Variants in ADAMTSL1 observed in about 807,000 individuals in gnomAD.
ADAMTSL1 encodes ADAMTS-like protein 1.
A neutral mutation model predicts 201.8 loss-of-function variants in ADAMTSL1; 126 were observed. That is an observed-to-expected ratio of 0.62 (90% CI 0.54 to 0.72). The LOEUF (loss-of-function observed/expected upper bound fraction) is 0.72. ADAMTSL1 is among the 30% of genes least tolerant of loss of function. ADAMTSL1 has a pLI of 0.00. For synonymous variants in ADAMTSL1, 1,121 were observed against 903.4 expected, an observed-to-expected ratio of 1.24 and a Z score of -4.32; for missense variants, 2,679 against 2,277.8, an observed-to-expected ratio of 1.18 and a Z score of -3.59.
At chr9:18,537,218 A>G (rs1275019174) in intron 3 of ADAMTSL1, among the ~76,000 whole-genome samples, 1 of 152,238 alleles carries the variant, frequency 6.6e-6, no homozygotes, top group Non-Finnish European at 1.5e-5. Flanking sequence ...GCATGGAAAC[A>G]AATTATTTAA....
chr9:18,882,991 C>CA (rs34408343), intron 23 of ADAMTSL1, among the ~76,000 whole-genome samples: 16,770 of 113,554 alleles, frequency 0.15, 1,241 homozygotes, highest in Middle Eastern at 0.23. Flanking sequence ...GAGCCTGCCT[C>CA]AAAAAAAAAA....
rs897990025 is a variant in ADAMTSL1, at chr9:18,636,179, A to G, written c.676+162A>G. ...GTTTATCTTTTAGCTGCCTGATGAG[A>G]TGGCAGAAACCCCTGTAGTAATTAT... On this transcript the variant is annotated intron_variant, in intron 6 of 28. Transcript: ENST00000380548. Among the ~76,000 whole-genome samples, 7 of 152,188 alleles carry G rather than the reference A, an allele frequency of 4.6e-5. No individual in the cohort carries two copies. The East Asian group carries it at 5.8e-4, about 13-fold the overall frequency.
At chr9:18,178,318 C>A (rs528537907) in intron 2 of ADAMTSL1, among the ~76,000 whole-genome samples, 1 of 152,082 alleles carries the variant, frequency 6.6e-6, no homozygotes, top group Non-Finnish European at 1.5e-5. Flanking sequence ...GCTTTTCCGA[C>A]GGGCTTAAAA....
chr9:17,924,995 A>G (rs1826466934), intron 1 of ADAMTSL1, among the ~76,000 whole-genome samples: 1 of 124,872 alleles, frequency 8.0e-6, no homozygotes, highest in Non-Finnish European at 1.7e-5. Context: ...AATGAACTCA[A>G]ACAAATTTAC....
chr9:18,776,849 C>G lies in ADAMTSL1; in HGVS notation c.2620C>G (p.Arg874Gly). Residue 874 changes from arginine (R) to glycine (G), a missense_variant, in exon 19 of 29, where the codon CGC becomes GGC. Arg to Gly is a moderately radical substitution (Grantham distance 125). Transcript: ENST00000380548. ...AAARKVYIQTRRQRKLHFVVG... is the reference protein window; with the variant it reads ...AAARKVYIQTGRQRKLHFVVG... ...CGCCAGGAAGGTCTACATACAGACT[C>G]GCAGGCAGAGGAAGCTGCACTTCGT... 1 of 1,603,992 alleles carries G rather than the reference C, an allele frequency of 6.2e-7. No individual in the cohort carries two copies. Among genetic ancestry groups the G allele is most frequent in the East Asian group, 2.3e-5 (1 of 44,282 alleles).
rs77303761 is a variant in ADAMTSL1, at chr9:18,635,855, T to C, written c.602-88T>C. 277 of 1,081,892 alleles carry C rather than the reference T, an allele frequency of 2.6e-4. 1 individual carries two copies. The highest frequency in any genetic ancestry group is 3.5e-4 in the Non-Finnish European group (257 of 731,858). 67.0% of individuals were successfully genotyped at this position (1,081,892 alleles called of 1,614,324 possible). ...CTTAAAAAAACTGTAGTTTTTAAGG[T>C]ATGGAAGTCAGTGCCTTTATTTAGA... On this transcript the variant is annotated intron_variant, in intron 5 of 28. Transcript: ENST00000380548.
At chr9:17,990,903 A>T (rs1819126228) in intron 1 of ADAMTSL1, among the ~76,000 whole-genome samples, 1 of 152,156 alleles carries the variant, frequency 6.6e-6, no homozygotes, top group Admixed American at 6.6e-5. Context: ...GGAAACTTGT[A>T]GGTAGAAAGA....
intron 2 of ADAMTSL1, among the ~76,000 whole-genome samples, chr9:18,514,327 C>CTTTCTTT (rs1554693081): frequency 3.0e-5 from 3 of 100,102 alleles, no homozygotes; most frequent in African/African-American, 3.9e-5. Flanking sequence ...ATTTTTCTTT[C>CTTTCTTT]TTTTTTTTTT....
intron 2 of ADAMTSL1, among the ~76,000 whole-genome samples, chr9:18,321,935 G>A (rs1360971191): frequency 6.6e-6 from 1 of 152,102 alleles, no homozygotes; most frequent in Non-Finnish European, 1.5e-5. Flanking sequence ...AATTTTACAA[G>A]ATATGTTTTC....
intron 1 of ADAMTSL1, among the ~76,000 whole-genome samples, chr9:18,138,609 A>G (rs996586113): frequency 6.6e-6 from 1 of 152,166 alleles, no homozygotes; most frequent in Non-Finnish European, 1.5e-5. Context: ...CTTTGAAAAC[A>G]CGTTTTCGTA....
chr9:18,086,097 G>T (rs1252243928), intron 1 of ADAMTSL1, among the ~76,000 whole-genome samples: 1 of 152,144 alleles, frequency 6.6e-6, no homozygotes, highest in Non-Finnish European at 1.5e-5. Context: ...AAGGAAGAAT[G>T]TGAGAGATAA....
intron 16 of ADAMTSL1, among the ~76,000 whole-genome samples, chr9:18,758,305 C>G (rs1819884467): frequency 6.6e-6 from 1 of 152,228 alleles, no homozygotes; most frequent in African/African-American, 2.4e-5. Flanking sequence ...CAGCAGTTTA[C>G]AGAACACTCG....
At chr9:18,225,084 C>G (rs1356989386) in intron 2 of ADAMTSL1, among the ~76,000 whole-genome samples, 1 of 152,116 alleles carries the variant, frequency 6.6e-6, no homozygotes, top group Non-Finnish European at 1.5e-5. Context: ...GACAAGTAAA[C>G]TTTTAGAAGT....
chr9:17,990,198 G>C (rs1437886963), intron 1 of ADAMTSL1, among the ~76,000 whole-genome samples: 1 of 152,006 alleles, frequency 6.6e-6, no homozygotes, highest in Non-Finnish European at 1.5e-5. Context: ...ATGGCACAGA[G>C]ATGTTATCTT....
chr9:18,105,027 A>G (rs1357761375), intron 1 of ADAMTSL1, among the ~76,000 whole-genome samples: 3 of 149,288 alleles, frequency 2.0e-5, no homozygotes, highest in African/African-American at 7.4e-5. Context: ...ATGTATAAAT[A>G]AAAAAAAAAT....
chr9:18,578,524 G>C (rs970653919), intron 4 of ADAMTSL1, among the ~76,000 whole-genome samples: 7 of 152,316 alleles, frequency 4.6e-5, no homozygotes, highest in African/African-American at 1.7e-4. Context: ...ATACCATCTA[G>C]GTTGGAATCT....
At chr9:18,164,451 G>T (rs952647989) in intron 2 of ADAMTSL1, among the ~76,000 whole-genome samples, 5 of 151,768 alleles carry the variant, frequency 3.3e-5, no homozygotes, top group African/African-American at 1.2e-4. Context: ...TCTGGTGGTG[G>T]TTTTAGGGGA....
chr9:18,350,035 G>C (rs2226019), intron 2 of ADAMTSL1, among the ~76,000 whole-genome samples: 53,550 of 151,420 alleles, frequency 0.35, 10,043 homozygotes, highest in Admixed American at 0.53. Context: ...ACCCGGGCCT[G>C]AGCACAGCCA....
At chr9:18,229,025 G>T (rs961831860) in intron 2 of ADAMTSL1, among the ~76,000 whole-genome samples, 4 of 151,906 alleles carry the variant, frequency 2.6e-5, no homozygotes, top group Non-Finnish European at 5.9e-5. Context: ...CTCCATGGTG[G>T]CATCATCCAA....
Sources: allele counts gnomAD v4.1 joint callset (sites outside exome capture counted in the v4.1 genomes callset), GRCh38; gene constraint gnomAD v4.1.1; transcripts MANE v1.5; gene names NCBI Gene and HGNC (gene_info 2026-07-23, HGNC 2026-07-21).